Variants in RXRA observed in about 807,000 individuals in gnomAD.
RXRA encodes the protein retinoic acid receptor RXR-alpha.
RXRA carries 5 observed loss-of-function variants against 44.5 expected under a neutral mutation model. That is an observed-to-expected ratio of 0.11 (90% CI 0.06 to 0.24). RXRA has a LOEUF of 0.24. Ranked by LOEUF, RXRA falls within the 10% of genes least tolerant of loss-of-function variation. The probability of loss-of-function intolerance (pLI) is 1.00; values close to 1 mark genes in which losing one functional copy is unlikely to be tolerated. For synonymous variants in RXRA, 291 were observed against 271.4 expected (o/e 1.07, Z -0.71); for missense variants, 412 against 646.5 (o/e 0.64, Z 3.93).
At chr9:134,375,996 A>G (rs1304395173) in intron 1 of RXRA, among the ~76,000 whole-genome samples, 1 of 119,162 alleles carries the variant, frequency 8.4e-6, no homozygotes, top group African/African-American at 3.2e-5. Context: ...CCAGGCTCGC[A>G]GCCTGCTGGC....
chr9:134,408,353 CA>C (rs1831091763), intron 3 of RXRA, 54 bp downstream of exon 3: 1 of 1,546,292 alleles, frequency 6.5e-7, no homozygotes, highest in Admixed American at 1.9e-5. Flanking sequence ...CAGGCCATTG[CA>C]GGGTCTGGAG....
chr9:134,368,766 C>CTA (rs142528682), intron 1 of RXRA, among the ~76,000 whole-genome samples: 55,348 of 150,132 alleles, frequency 0.37, 12,920 homozygotes, highest in African/African-American at 0.67. Context: ...GTGTGTGTGA[C>CTA]TGTGAGTGTG....
At chr9:134,412,291 G>T (rs1474544352) in intron 4 of RXRA, among the ~76,000 whole-genome samples, 1 of 152,216 alleles carries the variant, frequency 6.6e-6, no homozygotes, top group African/African-American at 2.4e-5. Context: ...GGGCAGCTCC[G>T]CCCACTGGCC....
chr9:134,330,291 G>A (rs872298), intron 1 of RXRA, among the ~76,000 whole-genome samples: 46,900 of 152,134 alleles, frequency 0.31, 7,435 homozygotes, highest in African/African-American at 0.36. Flanking sequence ...TTGAGTTTGT[G>A]TTTTTTAGCT....
At chr9:134,386,547 C>A (rs1364183116) in intron 1 of RXRA, among the ~76,000 whole-genome samples, 1 of 152,198 alleles carries the variant, frequency 6.6e-6, no homozygotes, top group African/African-American at 2.4e-5. Flanking sequence ...GGGGCCAGGT[C>A]TGGGACACCC....
intron 1 of RXRA, among the ~76,000 whole-genome samples, chr9:134,375,617 A>G (rs1160407439): frequency 6.6e-6 from 1 of 152,024 alleles, no homozygotes; most frequent in Non-Finnish European, 1.5e-5. Flanking sequence ...TACAGCTGGG[A>G]ACACGGGCCA....
Position 134,430,652 on chromosome 9 carries a change from G to C in RXRA, c.1044-1253G>C, listed in dbSNP as rs553453152. On this transcript the variant is annotated intron_variant, in intron 7 of 9. Transcript: ENST00000481739. ...AGTGTACAGGAGGGTCCCCACGGGG[G>C]CTGCAGGGTGCAGTGTGCAGTGTGT... Among the ~76,000 whole-genome samples, 401 of 152,320 alleles carry C rather than the reference G, an allele frequency of 2.6e-3. 1 individual carries two copies. The highest frequency in any genetic ancestry group is 9.3e-3 in the African/African-American group (385 of 41,572).
rs552398856 is a variant in RXRA, at chr9:134,401,481, G to A, written c.29-151G>A. On this transcript the variant is annotated intron_variant, in intron 1 of 9. Coordinates refer to ENST00000481739, the MANE Select transcript of RXRA (RefSeq NM_002957.6). ...CCTGGCCCGTAGTGAGTGTGAATTTGCGTCAGAGAGCTGTCGAGACCCACG... is the reference window on the plus strand; with the variant it reads ...CCTGGCCCGTAGTGAGTGTGAATTTACGTCAGAGAGCTGTCGAGACCCACG... The A allele has an allele frequency of 1.6e-4, 190 of 1,195,478 alleles. 1 individual carries two copies. In the African/African-American group the frequency reaches 2.2e-3, roughly 14 times the overall value. 74.1% of individuals were successfully genotyped at this position (1,195,478 alleles called of 1,614,324 possible).
intron 1 of RXRA, among the ~76,000 whole-genome samples, chr9:134,351,794 T>C (rs1384063742): frequency 1.3e-5 from 2 of 152,164 alleles, no homozygotes; most frequent in Non-Finnish European, 2.9e-5. Flanking sequence ...GTGAATGACA[T>C]GGAGTTGGGT....
chr9:134,360,464 C>T (rs909462829), intron 1 of RXRA, among the ~76,000 whole-genome samples: 4 of 152,210 alleles, frequency 2.6e-5, no homozygotes, highest in Admixed American at 6.5e-5. Flanking sequence ...CCCCTGGTCC[C>T]GCCGCCTGCA....
intron 1 of RXRA, among the ~76,000 whole-genome samples, chr9:134,396,505 G>A (rs1298209118): frequency 6.6e-6 from 1 of 152,092 alleles, no homozygotes; most frequent in Non-Finnish European, 1.5e-5. Context: ...CGGGGTTTCA[G>A]TTCCGGGCGG....
rs937627971 is a variant in RXRA at position 134,434,020 on chromosome 9, C to T, written c.1136-82C>T. 11 of 1,026,786 alleles carry T rather than the reference C, an allele frequency of 1.1e-5. No individual in the cohort carries two copies. The African/African-American group carries it at 1.6e-4, about 15-fold the overall frequency. The allele number at this position is 1,026,786 out of a possible 1,614,324, so 63.6% of individuals were successfully genotyped here. On this transcript the variant is annotated intron_variant, in intron 8 of 9. Coordinates refer to ENST00000481739, the MANE Select transcript of RXRA (RefSeq NM_002957.6). Reference sequence around the variant, plus strand: ...CCCATGGTGGGGCAGCCTGGGAGACCCCACACAAGCCTGGGTCCTGGGGGC... The same window carrying T: ...CCCATGGTGGGGCAGCCTGGGAGACTCCACACAAGCCTGGGTCCTGGGGGC...
Position 134,433,368 on chromosome 9 carries a change from C to T in RXRA, c.1136-734C>T, listed in dbSNP as rs1831563268. 6.6e-6 allele frequency among the ~76,000 whole-genome samples: 1 copy of T among 152,012 alleles called. No homozygotes were observed. Among genetic ancestry groups the T allele is most frequent in the South Asian group, 2.1e-4 (1 of 4,820 alleles). ...GTCTGGCACAAGCAGGGTCCAGGCA[C>T]AGGCTTGCAGGGAAAGCGAAGAGAC... On this transcript the variant is annotated intron_variant, in intron 8 of 9. Coordinates refer to ENST00000481739, the MANE Select transcript of RXRA (RefSeq NM_002957.6). This position sits in a 1 kb window ranked among gnomAD's most constrained non-coding sequence, Gnocchi z 4.2.
intron 1 of RXRA, among the ~76,000 whole-genome samples, chr9:134,335,588 G>T (rs1331428596): frequency 6.6e-6 from 1 of 152,172 alleles, no homozygotes; most frequent in African/African-American, 2.4e-5. Flanking sequence ...TGCTGGTGGG[G>T]ACCCCTGTGA....
intron 1 of RXRA, among the ~76,000 whole-genome samples, chr9:134,376,479 C>T (rs1049460246): frequency 4.6e-5 from 7 of 152,348 alleles, no homozygotes; most frequent in Admixed American, 3.9e-4. Flanking sequence ...TCTTCTCTCT[C>T]CTCCCCTGCC....
chr9:134,409,440 G>T (rs1371904133), intron 4 of RXRA, among the ~76,000 whole-genome samples: 2 of 152,242 alleles, frequency 1.3e-5, no homozygotes, highest in Non-Finnish European at 2.9e-5. Flanking sequence ...GATGCCAGGG[G>T]TGGTCCCGGG....
chr9:134,374,870 A>G (rs1830533790), intron 1 of RXRA, among the ~76,000 whole-genome samples: 1 of 152,206 alleles, frequency 6.6e-6, no homozygotes, highest in Non-Finnish European at 1.5e-5. Context: ...GGACTCCTGC[A>G]GCTGGCGCCG....
intron 1 of RXRA, among the ~76,000 whole-genome samples, chr9:134,335,026 C>T (rs1467213729): frequency 6.6e-6 from 1 of 152,146 alleles, no homozygotes; most frequent in Admixed American, 6.5e-5. Flanking sequence ...TCACTCAAGG[C>T]CAGGCTAGTC....
intron 1 of RXRA, among the ~76,000 whole-genome samples, chr9:134,369,251 A>AG (rs1273335841): frequency 5.2e-5 from 1 of 19,388 alleles, no homozygotes; most frequent in Non-Finnish European, 8.7e-5. Flanking sequence ...ATATGTGTGT[A>AG]GGGGGGTTGT....
Sources: gnomAD v4.1 joint callset for allele counts (sites outside exome capture counted in the v4.1 genomes callset) on GRCh38, gnomAD v4.1.1 for gene constraint, Gnocchi (gnomAD v3.1) non-coding constraint, MANE v1.5 for transcripts, NCBI Gene and HGNC (gene_info 2026-07-23, HGNC 2026-07-21) for gene names.